Variants in NETO2 observed in about 807,000 individuals in gnomAD.
NETO2 encodes the protein neuropilin and tolloid like 2, also known as neuropilin and tolloid-like protein 2.
In NETO2, 28 loss-of-function variants were observed where a neutral mutation model predicts 62.5. That is an observed-to-expected ratio of 0.45 (90% CI 0.33 to 0.61). NETO2 has a LOEUF of 0.61. Ranked by LOEUF, NETO2 falls within the 20% of genes least tolerant of loss-of-function variation. The probability of loss-of-function intolerance (pLI) is 0.02; values close to 1 mark genes in which losing one functional copy is unlikely to be tolerated. For synonymous variants in NETO2, 214 were observed against 219.1 expected (o/e 0.98, Z 0.21); for missense variants, 548 against 643.2 (o/e 0.85, Z 1.60).
At chr16:47,111,574 T>TA (rs1045453436) in intron 6 of NETO2, among the ~76,000 whole-genome samples, 27 of 152,230 alleles carry the variant, frequency 1.8e-4, no homozygotes, top group Non-Finnish European at 3.7e-4. Context: ...ATCTTTTACT[T>TA]ACAACTTTCA....
chr16:47,139,351 G>C (rs1964421019), intron 1 of NETO2, among the ~76,000 whole-genome samples: 1 of 152,142 alleles, frequency 6.6e-6, no homozygotes, highest in Non-Finnish European at 1.5e-5. Flanking sequence ...GAAAAGAACT[G>C]AGATTCCCCC....
At chr16:47,092,210 C>T (rs185634091) in intron 7 of NETO2, among the ~76,000 whole-genome samples, 5 of 152,086 alleles carry the variant, frequency 3.3e-5, no homozygotes, top group Admixed American at 1.3e-4. Flanking sequence ...GGAAAGGACG[C>T]GATATGTGGA....
chr16:47,141,553 T>C (rs971629854), intron 1 of NETO2, among the ~76,000 whole-genome samples: 4 of 152,180 alleles, frequency 2.6e-5, no homozygotes, highest in African/African-American at 7.2e-5. Context: ...TCCCCTAGAT[T>C]TCCGTATTAG....
At position 47,129,363 on chromosome 16, in the gene NETO2, A is replaced by G. The variant is rs760911117; in HGVS notation, c.93T>C (p.Asp31=). ...EGIAVAQKTQ[D]GQNIGIKHIP... is the part of the protein sequence containing the mutation. The stretch of plus-strand genomic sequence containing the variant: ...TATGCTTGATTCCAATATTTTGTCC[A>G]TCTTAGGGAAAAACGGCATTTAAAA... Residue 31 remains aspartate (D), a splice_region_variant and synonymous_variant, in exon 3 of 9, where the codon GAT becomes GAC. Transcript: ENST00000562435. 2.8e-5 allele frequency: 45 copies of G among 1,613,456 alleles called. No individual in the cohort carries two copies. The highest frequency in any genetic ancestry group is 3.6e-5 in the Non-Finnish European group (42 of 1,179,858).
chr16:47,106,954 G>T (rs1477363803), intron 7 of NETO2, among the ~76,000 whole-genome samples: 1 of 151,902 alleles, frequency 6.6e-6, no homozygotes, highest in Non-Finnish European at 1.5e-5. Flanking sequence ...ACTAATTTTT[G>T]TATCTTTAGT....
intron 7 of NETO2, among the ~76,000 whole-genome samples, chr16:47,105,089 G>A (rs1029278325): frequency 1.3e-5 from 2 of 151,564 alleles, no homozygotes; most frequent in Non-Finnish European, 2.9e-5. Flanking sequence ...TGACCAGGCT[G>A]GTCTTGAACT....
At chr16:47,097,315 G>A (rs1178235738) in intron 7 of NETO2, among the ~76,000 whole-genome samples, 1 of 152,206 alleles carries the variant, frequency 6.6e-6, no homozygotes, top group East Asian at 1.9e-4. Context: ...AAGTTGACCT[G>A]GGACGCTTGA....
intron 7 of NETO2, 84 bp from the exon 8 acceptor site, chr16:47,086,423 G>A: frequency 1.2e-6 from 1 of 861,584 alleles, no homozygotes; most frequent in Non-Finnish European, 1.9e-6. Context: ...CTTTATAAGA[G>A]TACTTTCTTA....
chr16:47,085,538 C>A (rs1479177832), intron 8 of NETO2, among the ~76,000 whole-genome samples: 1 of 151,934 alleles, frequency 6.6e-6, no homozygotes, highest in African/African-American at 2.4e-5. Flanking sequence ...CGTGCCACCA[C>A]GCCTAGCTGA....
intron 1 of NETO2, among the ~76,000 whole-genome samples, chr16:47,138,086 G>C (rs991171638): frequency 6.6e-6 from 1 of 152,124 alleles, no homozygotes; most frequent in East Asian, 1.9e-4. Flanking sequence ...CTTGATAAAG[G>C]GCATTCTCTC....
intron 7 of NETO2, among the ~76,000 whole-genome samples, chr16:47,107,013 C>A (rs1272780974): frequency 6.6e-6 from 1 of 152,144 alleles, no homozygotes; most frequent in African/African-American, 2.4e-5. Context: ...AACTCCTGAC[C>A]TCAAGTGATC....
In NETO2 at chr16:47,086,337, G is replaced by T; in HGVS notation, c.886C>A (p.Pro296Thr). The change falls in exon 8 of 9, where the codon CCC (proline) becomes ACC (threonine). Residue 296 changes from proline (P) to threonine (T), a missense_variant and splice_region_variant. Pro to Thr is a conservative substitution (Grantham distance 38). Coordinates refer to ENST00000562435, the MANE Select transcript of NETO2 (RefSeq NM_018092.5). Reference protein sequence around the residue: ...RMLFTSFVEPPCTSSTFFCHS... With the variant: ...RMLFTSFVEPTCTSSTFFCHS... ...CAAAAGAAAGTGCTGCTTGTGCAGG[G>T]AGCTGCAGGAAGAGAAAACAGTGTT... 4.4e-6 allele frequency: 7 copies of T among 1,606,928 alleles called. No individual in the cohort carries two copies. Among genetic ancestry groups the T allele is most frequent in the Non-Finnish European group, 6.0e-6 (7 of 1,173,754 alleles).
intron 2 of NETO2, among the ~76,000 whole-genome samples, chr16:47,130,992 G>T (rs1204339760): frequency 6.6e-6 from 1 of 151,256 alleles, no homozygotes; most frequent in African/African-American, 2.4e-5. Flanking sequence ...AACCAAGAGG[G>T]CCATAACCAA....
At chr16:47,114,034 G>A (rs531615558) in intron 6 of NETO2, among the ~76,000 whole-genome samples, 9 of 152,092 alleles carry the variant, frequency 5.9e-5, no homozygotes, top group African/African-American at 1.7e-4. Flanking sequence ...CAGAAGAGAC[G>A]GCTGAGTCAC....
intron 7 of NETO2, among the ~76,000 whole-genome samples, chr16:47,096,726 C>A (rs1036356821): frequency 2.6e-4 from 40 of 152,168 alleles, no homozygotes; most frequent in African/African-American, 8.7e-4. Flanking sequence ...GAATTAACAC[C>A]AATCAGTTGA....
chr16:47,133,968 T>C (rs578139199), intron 1 of NETO2, among the ~76,000 whole-genome samples: 1 of 152,288 alleles, frequency 6.6e-6, no homozygotes, highest in African/African-American at 2.4e-5. Flanking sequence ...GGAAAGGTGA[T>C]CATGTTTGCA....
At chr16:47,109,747 G>T (rs1347658595) in intron 6 of NETO2, 36 bp from the exon 7 acceptor site, 9 of 1,419,400 alleles carry the variant, frequency 6.3e-6, no homozygotes, top group Non-Finnish European at 8.9e-6. Context: ...CTTTTAAAAA[G>T]ATATATTAAT....
At position 47,080,297 on chromosome 16, in the gene NETO2, T is replaced by C. The variant is rs1019247474; in HGVS notation, c.*2924A>G. On this transcript the variant is annotated 3_prime_UTR_variant, in exon 9 of 9. Coordinates refer to ENST00000562435, the MANE Select transcript of NETO2 (RefSeq NM_018092.5). ...GGTGACAGTATTATACAGGTATACT[T>C]AATGCTGTTTCTGAATTGAAGATAT... The C allele has an allele frequency of 1.3e-5, 2 of 152,232 alleles. No individual in the cohort carries two copies. Among genetic ancestry groups the C allele is most frequent in the African/African-American group, 4.8e-5 (2 of 41,460 alleles). The allele number at this position is 152,232 out of a possible 1,614,324, so 9.4% of individuals were successfully genotyped here.
intron 6 of NETO2, among the ~76,000 whole-genome samples, chr16:47,110,471 A>AGTAG (rs1963771584): frequency 6.6e-6 from 1 of 152,216 alleles, no homozygotes; most frequent in Non-Finnish European, 1.5e-5. Context: ...AGCCTAATGA[A>AGTAG]GTAGGTATCA....
Sources: gnomAD v4.1 joint callset for allele counts (sites outside exome capture counted in the v4.1 genomes callset) on GRCh38, gnomAD v4.1.1 for gene constraint, MANE v1.5 for transcripts, NCBI Gene and HGNC (gene_info 2026-07-23, HGNC 2026-07-21) for gene names.